The following CHODL variants were observed in gnomAD, a reference collection of about 807,000 sequenced individuals.
CHODL encodes chondrolectin.
CHODL carries 29 observed loss-of-function variants against 34.5 expected under a neutral mutation model. The observed-to-expected ratio is 0.84, with a 90% CI of 0.63 to 1.15. The LOEUF (loss-of-function observed/expected upper bound fraction) is 1.15. Ranked by LOEUF, CHODL falls within the 50% of genes most tolerant of loss-of-function variation. The pLI is 0.00. For synonymous variants in CHODL, 125 were observed against 116.1 expected, an observed-to-expected ratio of 1.08 and a Z score of -0.49; for missense variants, 332 against 332.5, an observed-to-expected ratio of 1.00 and a Z score of 0.01.
At chr21:18,152,535 C>T (rs1425494716) in intron 2 of CHODL, among the ~76,000 whole-genome samples, 2 of 152,198 alleles carry the variant, frequency 1.3e-5, no homozygotes, top group African/African-American at 2.4e-5. Flanking sequence ...ATTTGTAAAA[C>T]AGAAGTCTTT....
intron 2 of CHODL, among the ~76,000 whole-genome samples, chr21:18,183,102 TTAAAAA>T (rs1568926854): frequency 6.6e-6 from 1 of 152,208 alleles, no homozygotes; most frequent in East Asian, 1.9e-4. Flanking sequence ...AAAATACACT[TTAAAAA>T]TGTATTTAGA....
rs117268341 is a variant in CHODL, at chr21:17,974,061, G to A, written c.-144-53811G>A. Among the ~76,000 whole-genome samples, 784 of 152,226 alleles carry A rather than the reference G, an allele frequency of 5.2e-3. 2 individuals carry two copies. Among genetic ancestry groups the A allele is most frequent in the Non-Finnish European group, 8.4e-3 (569 of 68,000 alleles). ...GAGTGAGATTCCTCCAGGAAGGGAT[G>A]CCCCTTGTTTCTATTTTCACTTCTC... On this transcript the variant is annotated intron_variant, in intron 1 of 6. Transcript: ENST00000400127.
chr21:18,239,094 T>C lies in CHODL; in HGVS notation c.-44-17415T>C, dbSNP rs140816018. ...TTTTCTGCTGTAAAGGATCAAGCAA[T>C]AGAAATACACTTACTTTTGTTGTTT... is the stretch of plus-strand genomic sequence containing the variant. On this transcript the variant is annotated intron_variant, in intron 2 of 6. Transcript: ENST00000400127. Among the ~76,000 whole-genome samples the C allele has an allele frequency of 7.9e-5, 12 of 152,226 alleles. 1 individual carries two copies. In the East Asian group the frequency reaches 2.1e-3, roughly 27 times the overall value.
At chr21:18,240,540 A>C (rs2074071955), upstream of CHODL, among the ~76,000 whole-genome samples, 1 of 152,198 alleles carries the variant, frequency 6.6e-6, no homozygotes, top group Non-Finnish European at 1.5e-5. Flanking sequence ...CTAATAACTC[A>C]GATCAGACCC....
chr21:18,040,810 T>C (rs911621676), intron 2 of CHODL, among the ~76,000 whole-genome samples: 1 of 151,764 alleles, frequency 6.6e-6, no homozygotes, highest in African/African-American at 2.4e-5. Context: ...TCGCAGGTGG[T>C]AAAAAAATCA....
chr21:18,009,464 A>G (rs2063990996), intron 1 of CHODL, among the ~76,000 whole-genome samples: 1 of 152,140 alleles, frequency 6.6e-6, no homozygotes, highest in Non-Finnish European at 1.5e-5. Flanking sequence ...CACAAAGCAC[A>G]TTTTATTTAG....
In CHODL at chr21:17,996,293, T is replaced by C. The variant is rs146728325; in HGVS notation, c.-144-31579T>C. On this transcript the variant is annotated intron_variant, in intron 1 of 6. Transcript: ENST00000400127. ...GGAAAACATGAGGCTACAGTGAAGG[T>C]ACTCAACCAAGAGAGGAAGAAAAAC... 5.5e-3 allele frequency among the ~76,000 whole-genome samples: 844 copies of C among 152,308 alleles called. 8 individuals are homozygous for C. Among genetic ancestry groups the C allele is most frequent in the African/African-American group, 0.013 (556 of 41,572 alleles).
At chr21:18,178,874 G>T (rs1349067105) in intron 2 of CHODL, among the ~76,000 whole-genome samples, 2 of 152,080 alleles carry the variant, frequency 1.3e-5, no homozygotes, top group Non-Finnish European at 2.9e-5. Flanking sequence ...AAGTGTTGTG[G>T]TTATCAATTG....
intron 4 of CHODL, among the ~76,000 whole-genome samples, chr21:18,261,097 G>T (rs73206954): frequency 6.6e-6 from 1 of 152,024 alleles, no homozygotes; most frequent in Non-Finnish European, 1.5e-5. Flanking sequence ...GAAGTGATGC[G>T]CAGTTAAATG....
rs567612251 is a variant in CHODL, at chr21:18,230,112, G to C, written c.-44-26397G>C. Among the ~76,000 whole-genome samples, 22 of 152,220 alleles carry C rather than the reference G, an allele frequency of 1.4e-4. No individual in the cohort carries two copies. The South Asian group carries it at 4.3e-3, about 30-fold the overall frequency. On this transcript the variant is annotated intron_variant, in intron 2 of 6. Transcript: ENST00000400127. ...TGGAACTCAGGGGAAAAAAGTTTCT[G>C]TACTTACCCTGAGAAAACTGTTACC...
At chr21:18,098,333 A>AAT (rs1343738351) in intron 2 of CHODL, among the ~76,000 whole-genome samples, 1 of 152,054 alleles carries the variant, frequency 6.6e-6, no homozygotes, top group Non-Finnish European at 1.5e-5. Context: ...TAATAACCAG[A>AAT]ATATATAGGG....
At chr21:18,110,480 G>A (rs2065334556) in intron 2 of CHODL, among the ~76,000 whole-genome samples, 1 of 152,032 alleles carries the variant, frequency 6.6e-6, no homozygotes, top group Non-Finnish European at 1.5e-5. Flanking sequence ...TCCTTTTTGG[G>A]ACCCAGTGGC....
At chr21:18,094,052 CA>C (rs939819481) in intron 2 of CHODL, among the ~76,000 whole-genome samples, 2 of 151,706 alleles carry the variant, frequency 1.3e-5, no homozygotes, top group African/African-American at 4.8e-5. Flanking sequence ...CCAATGGAAA[CA>C]AAAAAAGCAA....
intron 1 of CHODL, among the ~76,000 whole-genome samples, chr21:17,972,905 C>G (rs1280205782): frequency 1.3e-5 from 2 of 152,144 alleles, no homozygotes; most frequent in East Asian, 3.8e-4. Context: ...TACAATGTGA[C>G]AGTAACCAAA....
At chr21:18,242,252 T>C (rs2074089424), upstream of CHODL, among the ~76,000 whole-genome samples, 1 of 152,232 alleles carries the variant, frequency 6.6e-6, no homozygotes, top group Non-Finnish European at 1.5e-5. Flanking sequence ...GAAAACCATG[T>C]GTCTTCTATG....
intron 1 of CHODL, among the ~76,000 whole-genome samples, chr21:17,947,813 A>G (rs913871764): frequency 6.6e-6 from 1 of 152,124 alleles, no homozygotes; most frequent in African/African-American, 2.4e-5. Flanking sequence ...TATCTGTCCA[A>G]AGGAAAAAAA....
At chr21:18,192,111 G>T (rs1292603384) in intron 2 of CHODL, among the ~76,000 whole-genome samples, 1 of 152,110 alleles carries the variant, frequency 6.6e-6, no homozygotes, top group East Asian at 1.9e-4. Flanking sequence ...GAATACCCCT[G>T]TCCCTCCTTC....
At chr21:17,927,124 G>A (rs868072417) in intron 1 of CHODL, among the ~76,000 whole-genome samples, 40 of 114,614 alleles carry the variant, frequency 3.5e-4, no homozygotes, top group African/African-American at 1.4e-3. Flanking sequence ...ATGTATATAT[G>A]TATATATATG....
Position 17,927,136 on chromosome 21 carries a change from ATATATGTATATATGTATATATATG to A in CHODL, c.-145+9742_-145+9765del, listed in dbSNP as rs1173275579. ...TATATGTATATATGTATATATATGTATATATGTATATATGTATATATATGTATATATGTATATATGTATATATAT... is the reference window on the plus strand; with the variant it reads ...TATATGTATATATGTATATATATGTATATATATGTATATATGTATATATAT... On this transcript the variant is annotated intron_variant, in intron 1 of 6. Transcript: ENST00000400127. Among the ~76,000 whole-genome samples the A allele has an allele frequency of 7.8e-3, 936 of 119,880 alleles. 23 individuals are homozygous for A. The highest frequency in any genetic ancestry group is 0.027 in the African/African-American group (867 of 32,186). 78.6% of individuals were successfully genotyped at this position (119,880 alleles called of 152,430 possible).
Sources: allele counts gnomAD v4.1 joint callset (sites outside exome capture counted in the v4.1 genomes callset), GRCh38; gene constraint gnomAD v4.1.1; transcripts MANE v1.5; gene names NCBI Gene and HGNC (gene_info 2026-07-23, HGNC 2026-07-21).